Variants in GPR174 observed in about 807,000 individuals in gnomAD.
The protein encoded by GPR174 is G protein-coupled receptor 174.
Under a neutral mutation model 16.5 loss-of-function variants are expected in GPR174, and 8 were observed. The observed-to-expected ratio is 0.48, with a 90% CI of 0.28 to 0.87. The LOEUF is 0.87. Ranked by LOEUF, GPR174 falls within the 40% of genes least tolerant of loss-of-function variation. The pLI, the probability that GPR174 is intolerant of heterozygous loss-of-function variation, is 0.09. For missense variants in GPR174, 214 were observed against 247.5 expected (o/e 0.86, Z 0.91); for synonymous variants, 111 against 94.8 (o/e 1.17, Z -0.99).
At chrX:79,167,267 C>T in intron 2 of GPR174, among the ~76,000 whole-genome samples, 1 of 111,981 alleles carries the variant, frequency 8.9e-6, no homozygotes, top group East Asian at 2.8e-4. Flanking sequence ...ATCTGTGATG[C>T]TTGTTAAAAT....
At chrX:79,163,672 T>C (rs1372175672) in intron 2 of GPR174, among the ~76,000 whole-genome samples, 26 of 111,990 alleles carry the variant, frequency 2.3e-4, no homozygotes, top group Admixed American at 2.1e-3. Context: ...AAATAAGGAG[T>C]CACCAAAAAT....
chrX:79,145,822 C>T (rs1926489172), intron 1 of GPR174, among the ~76,000 whole-genome samples: 1 of 111,064 alleles, frequency 9.0e-6, no homozygotes, highest in Admixed American at 9.6e-5. Context: ...TTTTCAAACA[C>T]GTTTAAGAAA....
chrX:79,171,741 C>T lies in GPR174; in HGVS notation c.734C>T (p.Pro245Leu), dbSNP rs1921521579. 8.3e-7 allele frequency: 1 copy of T among 1,209,423 alleles called. No individual in the cohort carries two copies. Among genetic ancestry groups the T allele is most frequent in the African/African-American group, 1.8e-5 (1 of 57,011 alleles). Reference protein sequence around the residue: ...CAGVFLICFAPYHFSFPLDFL... With the variant: ...CAGVFLICFALYHFSFPLDFL... ...GGGGTATTCCTAATTTGCTTTGCAC[C>T]TTATCATTTCAGTTTTCCTTTAGAT... The change falls in exon 3 of 3, where the codon CCT becomes CTT. Residue 245 changes from proline to leucine, a missense_variant. Physicochemically the swap from Pro to Leu is moderately conservative, Grantham distance 98. Transcript: ENST00000645147.
chrX:79,154,263 A>G (rs1057218265), intron 1 of GPR174, among the ~76,000 whole-genome samples: 1 of 111,372 alleles, frequency 9.0e-6, no homozygotes, highest in Non-Finnish European at 1.9e-5. Context: ...CTGCAATGGT[A>G]CCCATGTTTT....
chrX:79,156,684 A>C (rs772614061), intron 1 of GPR174, 138 bp from the exon 2 acceptor site: 1 of 112,030 alleles, frequency 8.9e-6, no homozygotes, highest in South Asian at 3.7e-4. Flanking sequence ...CTAATGACTA[A>C]GTGTAACTCT....
chrX:79,164,658 C>T (rs1175134676), intron 2 of GPR174, among the ~76,000 whole-genome samples: 2 of 111,625 alleles, frequency 1.8e-5, no homozygotes, highest in Admixed American at 9.5e-5. Context: ...CTTCCAAAGT[C>T]TTGCCTAATT....
intron 2 of GPR174, among the ~76,000 whole-genome samples, chrX:79,162,157 G>A (rs1338013717): frequency 9.0e-6 from 1 of 111,549 alleles, no homozygotes; most frequent in Non-Finnish European, 1.9e-5. Flanking sequence ...TGCTGCAAAG[G>A]GGGTGGTTTA....
In GPR174 at chrX:79,172,134, A is replaced by C; in HGVS notation, c.*125A>C. Reference sequence around the variant, plus strand: ...TTCAGTTCTGCTCTATCTTACTGCTATGGGGAATTCACTTCTTCAAAGCAG... The same window carrying C: ...TTCAGTTCTGCTCTATCTTACTGCTCTGGGGAATTCACTTCTTCAAAGCAG... On this transcript the variant is annotated 3_prime_UTR_variant, in exon 3 of 3. Transcript: ENST00000645147. The C allele has an allele frequency of 1.5e-6, 1 of 673,029 alleles. No homozygotes were observed. Among genetic ancestry groups the C allele is most frequent in the Non-Finnish European group, 2.2e-6 (1 of 457,369 alleles). The allele number at this position is 673,029 out of a possible 1,213,427, so 55.5% of individuals were successfully genotyped here.
chrX:79,147,941 C>G (rs909938016), intron 1 of GPR174, among the ~76,000 whole-genome samples: 3 of 111,599 alleles, frequency 2.7e-5, no homozygotes, highest in Non-Finnish European at 5.7e-5. Flanking sequence ...GCTCCAGAGG[C>G]ATCATTTTCC....
rs182431589 is a variant in GPR174 at position 79,164,516 on chromosome X, T to C, written c.-556-5936T>C. On this transcript the variant is annotated intron_variant, in intron 2 of 2. Coordinates refer to ENST00000645147, the MANE Select transcript of GPR174 (RefSeq NM_032553.3). ...AGCCACAAGTTGCCAAAATGCTTGG[T>C]TTGTTTCTACTAATCAGGAGGGTTA... is the stretch of plus-strand genomic sequence containing the variant. 3.4e-3 allele frequency among the ~76,000 whole-genome samples: 373 copies of C among 111,225 alleles called. 1 individual carries two copies. The highest frequency in any genetic ancestry group is 0.012 in the African/African-American group (366 of 30,608).
chrX:79,163,430 T>C (rs1253517253), intron 2 of GPR174, among the ~76,000 whole-genome samples: 1 of 112,031 alleles, frequency 8.9e-6, no homozygotes, highest in Non-Finnish European at 1.9e-5. Flanking sequence ...CTATGTCCTT[T>C]GAGTTAACCC....
rs777835117 is a variant in GPR174, at chrX:79,167,172, C to T, written c.-556-3280C>T. ...CAAAAACTTCAGTTTGGTTATGTAG[C>T]TTAACAAAATAACTGAATTGGTTTT... is the stretch of plus-strand genomic sequence containing the variant. On this transcript the variant is annotated intron_variant, in intron 2 of 2. Coordinates refer to ENST00000645147, the MANE Select transcript of GPR174 (RefSeq NM_032553.3). 1.6e-4 allele frequency among the ~76,000 whole-genome samples: 18 copies of T among 112,245 alleles called. No individual in the cohort carries two copies. The East Asian group carries it at 4.8e-3, about 30-fold the overall frequency.
At chrX:79,158,778 TAAA>T (rs61641762) in intron 2 of GPR174, among the ~76,000 whole-genome samples, 1 of 80,225 alleles carries the variant, frequency 1.2e-5, no homozygotes, top group Non-Finnish European at 2.5e-5. Context: ...AGTTAATGAG[TAAA>T]AAAAAAAAAA....
At chrX:79,160,325 C>A (rs903259428) in intron 2 of GPR174, among the ~76,000 whole-genome samples, 8 of 111,399 alleles carry the variant, frequency 7.2e-5, no homozygotes, top group Admixed American at 1.9e-4. Context: ...GAACATGATG[C>A]ATGTTCTGAG....
Position 79,156,842 on chromosome X carries a change from C to A in GPR174, c.-633C>A. On this transcript the variant is annotated 5_prime_UTR_variant, in exon 2 of 3. Coordinates refer to ENST00000645147, the MANE Select transcript of GPR174 (RefSeq NM_032553.3). ...TCAAGGCATGAATGAATTAATCGTG[C>A]CAGATTCTCCAACACTTCCTCAGGA... 8.9e-6 allele frequency: 1 copy of A among 112,131 alleles called. No homozygotes were observed. Among genetic ancestry groups the A allele is most frequent in the Non-Finnish European group, 1.9e-5 (1 of 53,196 alleles). 9.2% of individuals were successfully genotyped at this position (112,131 alleles called of 1,213,427 possible).
chrX:79,144,972 CTTTCTTT>C lies in GPR174; in HGVS notation c.-896_-890del, dbSNP rs1926458006. 3 of 91,481 alleles carry C rather than the reference CTTTCTTT, an allele frequency of 3.3e-5. No individual in the cohort carries two copies. In the South Asian group the frequency reaches 1.7e-3, roughly 51 times the overall value. 7.5% of individuals were successfully genotyped at this position (91,481 alleles called of 1,213,427 possible). ...TCTTTTTCTTTCTTTCTTTCTCTTT[CTTTCTTT>C]TTCTTTCTTTCTTTCTCTCTCTCTC... On this transcript the variant is annotated 5_prime_UTR_variant, in exon 1 of 3. Coordinates refer to ENST00000645147, the MANE Select transcript of GPR174 (RefSeq NM_032553.3).
intron 2 of GPR174, among the ~76,000 whole-genome samples, chrX:79,159,825 G>C (rs1281250017): frequency 8.9e-6 from 1 of 111,939 alleles, no homozygotes; most frequent in Admixed American, 9.5e-5. Context: ...AATTATTAGA[G>C]CTAAAATTCC....
intron 2 of GPR174, among the ~76,000 whole-genome samples, chrX:79,166,046 C>T (rs1312341919): frequency 9.0e-6 from 1 of 111,009 alleles, no homozygotes. Flanking sequence ...CCCACTGTAA[C>T]ATACTAACTT....
In GPR174 at chrX:79,171,448, T is replaced by C. The variant is rs200735836; in HGVS notation, c.441T>C (p.Leu147=). ...TTGCTGGCTGGCTGATCATCTGCCT[T>C]GCCTGTGTACTCTTTCCACTCCTCA... ...ISIAGWLIIC[L]ACVLFPLLRT... The change falls in exon 3 of 3, where the codon CTT becomes CTC. Residue 147 remains leucine (L), a synonymous_variant. Coordinates refer to ENST00000645147, the MANE Select transcript of GPR174 (RefSeq NM_032553.3). The C allele has an allele frequency of 8.3e-6, 10 of 1,209,387 alleles. No homozygotes were observed. The highest frequency in any genetic ancestry group is 1.1e-5 in the Non-Finnish European group (10 of 894,711).
Sources: allele counts gnomAD v4.1 joint callset (sites outside exome capture counted in the v4.1 genomes callset), GRCh38; gene constraint gnomAD v4.1.1; transcripts MANE v1.5; gene names NCBI Gene and HGNC (gene_info 2026-07-23, HGNC 2026-07-21).